UGT2B4: variants seen among roughly 807,000 people sequenced by gnomAD.
UGT2B4 encodes UDP glucuronosyltransferase family 2 member B4.
A neutral mutation model predicts 49.8 loss-of-function variants in UGT2B4; 49 were observed. The observed-to-expected ratio is 0.98, with a 90% confidence interval of 0.78 to 1.25. UGT2B4 has a LOEUF of 1.25. Among genes scored for constraint, UGT2B4 ranks in the 50% most tolerant of loss-of-function variants. UGT2B4 has a pLI of 0.00. For missense variants in UGT2B4, 729 were observed against 627.7 expected, an observed-to-expected ratio of 1.16 and a Z score of -1.73; for synonymous variants, 246 against 217.7, an observed-to-expected ratio of 1.13 and a Z score of -1.14.
At chr4:69,496,393 T>A (rs780252327), upstream of UGT2B4, among the ~76,000 whole-genome samples, 1 of 152,186 alleles carries the variant, frequency 6.6e-6, no homozygotes, top group African/African-American at 2.4e-5. Flanking sequence ...CTGACTCATG[T>A]AATATATTTC....
At chr4:69,491,061 C>T (rs868381587) in intron 2 of UGT2B4, among the ~76,000 whole-genome samples, 32 of 152,076 alleles carry the variant, frequency 2.1e-4, no homozygotes, top group East Asian at 5.8e-4. Context: ...AAATTTTTGT[C>T]GAGAGATGTC....
intron 3 of UGT2B4, 135 bp downstream of exon 3, chr4:69,489,304 G>C: frequency 8.2e-7 from 1 of 1,219,510 alleles, no homozygotes; most frequent in Non-Finnish European, 1.1e-6. Flanking sequence ...TTTTGATTTT[G>C]AATTAATATC....
intron 3 of UGT2B4, among the ~76,000 whole-genome samples, chr4:69,488,071 T>C (rs1053953627): frequency 2.0e-5 from 3 of 152,172 alleles, no homozygotes; most frequent in Non-Finnish European, 4.4e-5. Flanking sequence ...AGGTAGCATG[T>C]ATAACTTCTT....
chr4:69,502,284 G>A (rs962180938), intron 1 of UGT2B4, among the ~76,000 whole-genome samples: 6 of 151,472 alleles, frequency 4.0e-5, no homozygotes, highest in Admixed American at 4.0e-4. Context: ...TGTTACATAG[G>A]TAAATATGTG....
intron 1 of UGT2B4, among the ~76,000 whole-genome samples, chr4:69,502,230 GTTTTA>G (rs1430815260): frequency 7.5e-6 from 1 of 133,560 alleles, no homozygotes; most frequent in Non-Finnish European, 1.7e-5. Flanking sequence ...CATTGTATTT[GTTTTA>G]TTTTAAGTTC....
Position 69,495,391 on chromosome 4 carries a change from A to G in UGT2B4, c.471T>C (p.Gly157=). The change falls in exon 1 of 6, where the codon GGT becomes GGC. Residue 157 remains glycine (G), a synonymous_variant. Coordinates refer to ENST00000305107, the MANE Select transcript of UGT2B4 (RefSeq NM_021139.3). ...VVLADAVFPF[G]ELLAELLKIP... ...TTTTAAGTAACTCGGCCAGCAGCTC[A>G]CCAAAGGGGAAAACAGCATCTGCAA... is the stretch of plus-strand genomic sequence containing the variant. The G allele has an allele frequency of 1.9e-6, 3 of 1,613,880 alleles. No individual in the cohort carries two copies. Among genetic ancestry groups the G allele is most frequent in the Admixed American group, 3.3e-5 (2 of 59,988 alleles).
chr4:69,520,644 A>C (rs1470120300), intron 1 of UGT2B4, among the ~76,000 whole-genome samples: 1 of 148,202 alleles, frequency 6.7e-6, no homozygotes, highest in Non-Finnish European at 1.5e-5. Context: ...GGACATGTGC[A>C]TGCTTGGGGC....
At chr4:69,525,637 C>T (rs1293082953) in intron 1 of UGT2B4, 3 of 1,185,588 alleles carry the variant, frequency 2.5e-6, no homozygotes, top group South Asian at 1.4e-5. Flanking sequence ...TATCTATGCA[C>T]CTGCCATTTT....
At chr4:69,517,196 G>A (rs745381808) in intron 1 of UGT2B4, among the ~76,000 whole-genome samples, 3 of 152,008 alleles carry the variant, frequency 2.0e-5, no homozygotes, top group Non-Finnish European at 2.9e-5. Flanking sequence ...AAGTCTTTTA[G>A]AGTTTTCTAA....
intron 1 of UGT2B4, among the ~76,000 whole-genome samples, chr4:69,508,962 A>G (rs775018137): frequency 3.7e-4 from 56 of 152,106 alleles, no homozygotes; most frequent in African/African-American, 1.3e-3. Flanking sequence ...CTTTATACCC[A>G]TTGAACAGCA....
At position 69,493,442 on chromosome 4, in the gene UGT2B4, T is replaced by C. The variant is rs10518061; in HGVS notation, c.870+251A>G. ...TGAATGAATGGCCAGTACCTTCTTA[T>C]ATGTTGCATAATCAAAGCTTTAATT... On this transcript the variant is annotated intron_variant, in intron 2 of 5. Coordinates refer to ENST00000305107, the MANE Select transcript of UGT2B4 (RefSeq NM_021139.3). 0.19 allele frequency among the ~76,000 whole-genome samples: 28,571 copies of C among 152,130 alleles called. 3,053 individuals are homozygous for C. Among genetic ancestry groups the C allele is most frequent in the Non-Finnish European group, 0.25 (16,747 of 67,958 alleles).
intron 3 of UGT2B4, among the ~76,000 whole-genome samples, chr4:69,487,663 G>A (rs1577883124): frequency 6.6e-6 from 1 of 152,052 alleles, no homozygotes; most frequent in South Asian, 2.1e-4. Flanking sequence ...CTACCTGTAA[G>A]ATGAAACAGT....
At chr4:69,513,189 T>A (rs920275429) in intron 1 of UGT2B4, among the ~76,000 whole-genome samples, 14 of 152,238 alleles carry the variant, frequency 9.2e-5, no homozygotes, top group African/African-American at 3.4e-4. Flanking sequence ...ATTCCCTAGA[T>A]TTTCTTCTAG....
At chr4:69,496,042 T>A, upstream of UGT2B4, 1 of 993,132 alleles carries the variant, frequency 1.0e-6, no homozygotes, top group Non-Finnish European at 1.4e-6. Context: ...AGATGACCTG[T>A]TTACACAAGT....
At chr4:69,520,352 G>A (rs1728819283) in intron 1 of UGT2B4, among the ~76,000 whole-genome samples, 2 of 152,226 alleles carry the variant, frequency 1.3e-5, no homozygotes, top group South Asian at 4.1e-4. Flanking sequence ...GTACTGCTGA[G>A]GCTGCATGCT....
chr4:69,515,399 G>A (rs191649909), intron 1 of UGT2B4, among the ~76,000 whole-genome samples: 42 of 152,230 alleles, frequency 2.8e-4, no homozygotes, highest in Admixed American at 2.4e-3. Flanking sequence ...TGAAAAACCT[G>A]CTCCTGAATG....
chr4:69,499,170 GT>G (rs926604183), upstream of UGT2B4, among the ~76,000 whole-genome samples: 1 of 152,142 alleles, frequency 6.6e-6, no homozygotes, highest in African/African-American at 2.4e-5. Flanking sequence ...TAGTTGTGGG[GT>G]TTTAAGTGAG....
chr4:69,520,395 G>A (rs1388310757), intron 1 of UGT2B4, among the ~76,000 whole-genome samples: 3 of 152,360 alleles, frequency 2.0e-5, no homozygotes, highest in African/African-American at 7.2e-5. Flanking sequence ...GAACAGGCAG[G>A]AGCCCCATCC....
chr4:69,524,710 A>AAC (rs3075680), intron 1 of UGT2B4, among the ~76,000 whole-genome samples: 8 of 149,192 alleles, frequency 5.4e-5, no homozygotes, highest in East Asian at 3.9e-4. Context: ...AGAAAAAAAA[A>AAC]CCCAAATATC....
Sources: allele counts gnomAD v4.1 joint callset (sites outside exome capture counted in the v4.1 genomes callset), GRCh38; gene constraint gnomAD v4.1.1; transcripts MANE v1.5; gene names NCBI Gene and HGNC (gene_info 2026-07-23, HGNC 2026-07-21).